RORA: variants seen among roughly 807,000 people sequenced by gnomAD.
The protein encoded by RORA is RAR related orphan receptor A.
RORA carries 7 observed loss-of-function variants against 69.5 expected under a neutral mutation model. The observed-to-expected ratio is 0.10, with a 90% CI of 0.06 to 0.19. RORA has a LOEUF of 0.19. RORA is among the 10% of genes least tolerant of loss of function. The probability of loss-of-function intolerance (pLI) is 1.00; values close to 1 mark genes in which losing one functional copy is unlikely to be tolerated. For synonymous variants in RORA, 261 were observed against 240.8 expected, an observed-to-expected ratio of 1.08 and a Z score of -0.78; for missense variants, 457 against 663.0, an observed-to-expected ratio of 0.69 and a Z score of 3.41.
chr15:60,926,057 C>T (rs1473437383), intron 1 of RORA, among the ~76,000 whole-genome samples: 3 of 152,178 alleles, frequency 2.0e-5, no homozygotes, highest in African/African-American at 7.2e-5. Context: ...TGCTCTTGAA[C>T]AACTAGGATA....
intron 1 of RORA, among the ~76,000 whole-genome samples, chr15:60,695,750 A>G (rs959816349): frequency 6.6e-5 from 10 of 152,090 alleles, no homozygotes; most frequent in African/African-American, 2.4e-4. Flanking sequence ...CCCCACAGCT[A>G]TGCTTCCTGT....
intron 1 of RORA, among the ~76,000 whole-genome samples, chr15:60,759,791 C>T (rs2071858769): frequency 6.6e-6 from 1 of 152,052 alleles, no homozygotes; most frequent in African/African-American, 2.4e-5. Context: ...ATTATCTTGC[C>T]AGTTGGGAAG....
intron 2 of RORA, among the ~76,000 whole-genome samples, chr15:60,543,212 T>A (rs2066956456): frequency 8.0e-6 from 1 of 125,478 alleles, no homozygotes; most frequent in Non-Finnish European, 1.6e-5. Flanking sequence ...TTTTTTTTTT[T>A]AAGGAAAAAG....
chr15:60,911,015 G>C (rs1459656379), intron 1 of RORA, among the ~76,000 whole-genome samples: 1 of 140,316 alleles, frequency 7.1e-6, no homozygotes, highest in African/African-American at 2.7e-5. Context: ...TGATTCTCCT[G>C]CTTTAGCTTC....
chr15:61,185,009 A>G (rs2079726889), intron 1 of RORA, among the ~76,000 whole-genome samples: 1 of 151,028 alleles, frequency 6.6e-6, no homozygotes, highest in Non-Finnish European at 1.5e-5. Flanking sequence ...AAAAAAGAAG[A>G]AGAAGAAGAA....
rs531691114 is a variant in RORA at position 60,934,720 on chromosome 15, A to G, written c.167-256034T>C. Among the ~76,000 whole-genome samples, 3 of 152,270 alleles carry G rather than the reference A, an allele frequency of 2.0e-5. No individual in the cohort carries two copies. The South Asian group carries it at 6.2e-4, about 32-fold the overall frequency. On this transcript the variant is annotated intron_variant, in intron 1 of 10. Coordinates refer to ENST00000335670, the MANE Select transcript of RORA (RefSeq NM_134261.3). Reference sequence around the variant, plus strand: ...GTCTGGGAGCCACACTTTGAGAACCACTGTATTGGCTACTCCAAAGAAAGG... The same window carrying G: ...GTCTGGGAGCCACACTTTGAGAACCGCTGTATTGGCTACTCCAAAGAAAGG...
chr15:60,719,784 T>A (rs879635120), intron 1 of RORA, among the ~76,000 whole-genome samples: 2 of 152,188 alleles, frequency 1.3e-5, no homozygotes, highest in African/African-American at 2.4e-5. Flanking sequence ...TGTTAGGAAA[T>A]TCACCTTGCA....
At chr15:60,515,129 T>C (rs535033418) in intron 3 of RORA, among the ~76,000 whole-genome samples, 2 of 152,230 alleles carry the variant, frequency 1.3e-5, no homozygotes, top group East Asian at 3.9e-4. Context: ...GTTTGTAAAA[T>C]AAATACAAAA....
intron 1 of RORA, among the ~76,000 whole-genome samples, chr15:61,031,201 AG>A (rs1182089202): frequency 6.6e-6 from 1 of 152,210 alleles, no homozygotes; most frequent in Admixed American, 6.5e-5. Flanking sequence ...TATGATATAA[AG>A]AAAAATTCCT....
rs3053932 is a variant in RORA, at chr15:60,993,644, C to CAA, written c.166+235407_166+235408dup. On this transcript the variant is annotated intron_variant, in intron 1 of 10. Coordinates refer to ENST00000335670, the MANE Select transcript of RORA (RefSeq NM_134261.3). ...GGTGACAGAGCAAGACTCTCCATCT[C>CAA]AAAAAAAAAAAAAAAAAAAAAAGAC... Among the ~76,000 whole-genome samples the CAA allele has an allele frequency of 6.9e-3, 573 of 82,652 alleles. 9 individuals are homozygous for CAA. The highest frequency in any genetic ancestry group is 0.013 in the African/African-American group (266 of 20,858). 54.2% of individuals were successfully genotyped at this position (82,652 alleles called of 152,430 possible). A position where few individuals can be genotyped will look rare whatever the true frequency, so the allele number is the denominator to read the frequency against.
At chr15:60,610,673 C>G (rs941018195) in intron 2 of RORA, among the ~76,000 whole-genome samples, 1 of 151,864 alleles carries the variant, frequency 6.6e-6, no homozygotes, top group Non-Finnish European at 1.5e-5. Flanking sequence ...ATTGCTGTTA[C>G]TAAGTAGGCA....
At chr15:61,081,150 G>T (rs1435678390) in intron 1 of RORA, among the ~76,000 whole-genome samples, 1 of 152,144 alleles carries the variant, frequency 6.6e-6, no homozygotes, top group Non-Finnish European at 1.5e-5. Flanking sequence ...CTCCTGCACC[G>T]CTGGGAATCA....
rs374457496 is a variant in RORA at position 60,724,132 on chromosome 15, AT to A, written c.167-45447del. 1.5e-3 allele frequency among the ~76,000 whole-genome samples: 225 copies of A among 152,176 alleles called. 1 individual carries two copies. The highest frequency in any genetic ancestry group is 5.1e-3 in the African/African-American group (212 of 41,508). On this transcript the variant is annotated intron_variant, in intron 1 of 10. Transcript: ENST00000335670. ...CATGAATTTTTATCTTGGATACTCT[AT>A]GTGGTATTATAAGCCACCTCAAATC...
chr15:61,002,545 AG>A (rs1388946186), intron 1 of RORA, among the ~76,000 whole-genome samples: 2 of 152,186 alleles, frequency 1.3e-5, no homozygotes, highest in African/African-American at 4.8e-5. Flanking sequence ...AAAATATTAA[AG>A]GGATTGTATT....
chr15:60,999,244 G>T (rs116283422), intron 1 of RORA, among the ~76,000 whole-genome samples: 99 of 152,262 alleles, frequency 6.5e-4, no homozygotes, highest in African/African-American at 2.2e-3. Context: ...TTGATAGAAA[G>T]ATTCCTCTCA....
chr15:61,018,487 G>T (rs1440444643), intron 1 of RORA, among the ~76,000 whole-genome samples: 1 of 152,204 alleles, frequency 6.6e-6, no homozygotes, highest in East Asian at 1.9e-4. Flanking sequence ...GTGAGGGCGT[G>T]TGGGAGCGTA....
chr15:60,597,577 C>CATATATATATAT (rs1303140365), intron 2 of RORA, among the ~76,000 whole-genome samples: 4 of 25,310 alleles, frequency 1.6e-4, no homozygotes, highest in South Asian at 2.0e-3. Context: ...TATATATACA[C>CATATATATATAT]ATATATATAT....
chr15:61,208,541 A>C (rs913657927), intron 1 of RORA, among the ~76,000 whole-genome samples: 2 of 152,230 alleles, frequency 1.3e-5, no homozygotes, highest in African/African-American at 4.8e-5. Flanking sequence ...GGGTGAATGT[A>C]ATGGTAAGTA....
chr15:60,921,153 C>G (rs1349234085), intron 1 of RORA, among the ~76,000 whole-genome samples: 1 of 152,190 alleles, frequency 6.6e-6, no homozygotes, highest in South Asian at 2.1e-4. Context: ...CATATGCCTA[C>G]CCCATGCCCC....
Sources: gnomAD v4.1 joint callset for allele counts (sites outside exome capture counted in the v4.1 genomes callset) on GRCh38, gnomAD v4.1.1 for gene constraint, MANE v1.5 for transcripts, NCBI Gene and HGNC (gene_info 2026-07-23, HGNC 2026-07-21) for gene names.